The following STK32B variants were observed in gnomAD, a reference collection of about 807,000 sequenced individuals.
The protein encoded by STK32B is serine/threonine-protein kinase 32B.
A neutral mutation model predicts 52.6 loss-of-function variants in STK32B; 43 were observed. The ratio of observed to expected loss-of-function variants is 0.82; its 90% CI spans 0.64 to 1.05. The LOEUF (loss-of-function observed/expected upper bound fraction) is 1.05, where lower values mean the gene tolerates loss of function less well. STK32B is among the 50% of genes least tolerant of loss of function. The pLI, the probability that STK32B is intolerant of heterozygous loss-of-function variation, is 0.00. For missense variants in STK32B, 621 were observed against 534.6 expected, an observed-to-expected ratio of 1.16 and a Z score of -1.59; for synonymous variants, 238 against 204.3, an observed-to-expected ratio of 1.17 and a Z score of -1.41.
At chr4:5,189,237 A>G (rs1378767444) in intron 3 of STK32B, among the ~76,000 whole-genome samples, 2 of 152,180 alleles carry the variant, frequency 1.3e-5, no homozygotes, top group East Asian at 3.9e-4. Context: ...CAAATGTATA[A>G]TGATGTGTAT....
chr4:5,321,812 A>G (rs1042317748), intron 3 of STK32B, among the ~76,000 whole-genome samples: 3 of 152,094 alleles, frequency 2.0e-5, no homozygotes, highest in Non-Finnish European at 4.4e-5. Context: ...CCTGCCCCCA[A>G]CTGCCTCTGC....
At chr4:5,242,893 T>C (rs908651143) in intron 3 of STK32B, among the ~76,000 whole-genome samples, 8 of 152,212 alleles carry the variant, frequency 5.3e-5, no homozygotes, top group African/African-American at 1.7e-4. Flanking sequence ...GTTGTAGGTA[T>C]GCGGCATTAT....
chr4:5,464,231 C>A (rs1717255201), intron 9 of STK32B, among the ~76,000 whole-genome samples: 1 of 152,198 alleles, frequency 6.6e-6, no homozygotes, highest in South Asian at 2.1e-4. Flanking sequence ...CCCACCAGGC[C>A]CCACCTCCCA....
At chr4:5,132,784 A>G (rs905658478) in intron 1 of STK32B, among the ~76,000 whole-genome samples, 1 of 151,938 alleles carries the variant, frequency 6.6e-6, no homozygotes, top group Non-Finnish European at 1.5e-5. Flanking sequence ...ACTTTCATTC[A>G]TAGAATTTAC....
At chr4:5,191,447 G>A (rs1721194716) in intron 3 of STK32B, among the ~76,000 whole-genome samples, 1 of 151,956 alleles carries the variant, frequency 6.6e-6, no homozygotes, top group African/African-American at 2.4e-5. Context: ...GTAGAGACAG[G>A]GTTTCACCAT....
At chr4:5,162,424 A>T (rs1718520058) in intron 2 of STK32B, among the ~76,000 whole-genome samples, 1 of 152,158 alleles carries the variant, frequency 6.6e-6, no homozygotes, top group African/African-American at 2.4e-5. Context: ...CAGGACTGTG[A>T]CCACCGCGTG....
chr4:5,050,364 G>A (rs796937473), upstream of STK32B, among the ~76,000 whole-genome samples: 1 of 152,194 alleles, frequency 6.6e-6, no homozygotes, highest in African/African-American at 2.4e-5. Flanking sequence ...ATGGTGGGTG[G>A]GCCTGCCTCA....
rs1227653270 is a variant in STK32B, at chr4:5,407,540, C to T, written c.472+9296C>T. ...ATGAAGAAGAGGTTTAATTGACTCA[C>T]AGTTCCACAGGCTGTACAGGAGTCA... is the stretch of plus-strand genomic sequence containing the variant. On this transcript the variant is annotated intron_variant, in intron 5 of 11. Transcript: ENST00000282908. Among the ~76,000 whole-genome samples, 2 of 152,150 alleles carry T rather than the reference C, an allele frequency of 1.3e-5. 1 individual carries two copies. Among genetic ancestry groups the T allele is most frequent in the African/African-American group, 4.8e-5 (2 of 41,398 alleles).
chr4:5,084,668 A>G (rs1712619844), intron 1 of STK32B, among the ~76,000 whole-genome samples: 1 of 152,214 alleles, frequency 6.6e-6, no homozygotes, highest in Non-Finnish European at 1.5e-5. Context: ...CTGTGCTAAG[A>G]ACAATTTTCT....
At chr4:5,481,155 G>A (rs544734115) in intron 11 of STK32B, among the ~76,000 whole-genome samples, 8 of 152,228 alleles carry the variant, frequency 5.3e-5, no homozygotes, top group South Asian at 4.1e-4. Context: ...GAGGAATCGC[G>A]ACACTGACTT....
At chr4:5,106,709 C>A (rs933411261) in intron 1 of STK32B, among the ~76,000 whole-genome samples, 9 of 152,202 alleles carry the variant, frequency 5.9e-5, no homozygotes, top group African/African-American at 2.2e-4. Context: ...TTCATTGTCT[C>A]TTTTAATCTA....
intron 3 of STK32B, among the ~76,000 whole-genome samples, chr4:5,316,351 A>G (rs1205019499): frequency 5.8e-5 from 2 of 34,612 alleles, no homozygotes; most frequent in Non-Finnish European, 7.6e-5. Flanking sequence ...ATATTATATC[A>G]TATATTATAT....
At chr4:5,052,436 T>A (rs1194469204) in intron 1 of STK32B, among the ~76,000 whole-genome samples, 1 of 152,042 alleles carries the variant, frequency 6.6e-6, no homozygotes, top group African/African-American at 2.4e-5. Flanking sequence ...TGCTAAACTC[T>A]GTGGTTCCTA....
At chr4:5,127,396 T>C (rs1167949481) in intron 1 of STK32B, among the ~76,000 whole-genome samples, 2 of 152,140 alleles carry the variant, frequency 1.3e-5, no homozygotes, top group Admixed American at 6.5e-5. Context: ...CTGTGGTGAA[T>C]TGACAGAATT....
chr4:5,301,787 T>C (rs1729577317), intron 3 of STK32B, among the ~76,000 whole-genome samples: 1 of 150,730 alleles, frequency 6.6e-6, no homozygotes, highest in Admixed American at 6.6e-5. Context: ...TTTTATTTCA[T>C]TGAAATAGAA....
intron 3 of STK32B, among the ~76,000 whole-genome samples, chr4:5,284,235 C>G (rs1206146343): frequency 6.6e-6 from 1 of 151,940 alleles, no homozygotes; most frequent in Admixed American, 6.6e-5. Flanking sequence ...AGTAGCTGCT[C>G]AAAACATAAG....
At chr4:5,292,383 T>C (rs1377767496) in intron 3 of STK32B, among the ~76,000 whole-genome samples, 1 of 152,170 alleles carries the variant, frequency 6.6e-6, no homozygotes, top group Non-Finnish European at 1.5e-5. Flanking sequence ...TTTGCATTTC[T>C]CTGATGATTA....
intron 4 of STK32B, among the ~76,000 whole-genome samples, chr4:5,375,319 A>G (rs1400908886): frequency 6.6e-6 from 1 of 152,046 alleles, no homozygotes; most frequent in Non-Finnish European, 1.5e-5. Flanking sequence ...CCCCACACTG[A>G]CCCAGGAACA....
At chr4:5,304,277 C>T (rs1423099406) in intron 3 of STK32B, among the ~76,000 whole-genome samples, 6 of 152,040 alleles carry the variant, frequency 3.9e-5, no homozygotes, top group East Asian at 1.9e-4. Flanking sequence ...ACAGTGTGAT[C>T]GTTTTCACAA....
Sources: allele counts gnomAD v4.1 joint callset (sites outside exome capture counted in the v4.1 genomes callset), GRCh38; gene constraint gnomAD v4.1.1; transcripts MANE v1.5; gene names NCBI Gene and HGNC (gene_info 2026-07-23, HGNC 2026-07-21).